The following WWP2 variants were observed in gnomAD, a reference collection of about 807,000 sequenced individuals.
WWP2 encodes NEDD4-like E3 ubiquitin-protein ligase WWP2.
Under a neutral mutation model 121.0 loss-of-function variants are expected in WWP2, and 57 were observed. The ratio of observed to expected loss-of-function variants is 0.47; its 90% CI spans 0.38 to 0.59. The LOEUF is 0.59. Among genes scored for constraint, WWP2 ranks in the 20% least tolerant of loss-of-function variants. WWP2 has a pLI of 0.00. For missense variants in WWP2, 962 were observed against 1,158.9 expected (o/e 0.83, Z 2.47); for synonymous variants, 449 against 441.3 (o/e 1.02, Z -0.22).
At chr16:69,821,074 A>G (rs998815591) in intron 4 of WWP2, among the ~76,000 whole-genome samples, 4 of 152,198 alleles carry the variant, frequency 2.6e-5, no homozygotes, top group Non-Finnish European at 5.9e-5. Flanking sequence ...TTGCAGTTAC[A>G]TCAGCGACTA....
chr16:69,936,764 TG>T, intron 19 of WWP2: 1 of 496,872 alleles, frequency 2.0e-6, no homozygotes, highest in Non-Finnish European at 3.6e-6. Context: ...AGGATCTCTG[TG>T]GCCTGTGTGC....
In WWP2 at chr16:69,940,318, C is replaced by T. The variant is rs1050516735; in HGVS notation, c.*378C>T. ...CCGGAGACCTCCTGGACTAGTTCGG[C>T]GAGGAGACTGGCCACTGGGGGTGGC... On this transcript the variant is annotated 3_prime_UTR_variant, in exon 24 of 24. Coordinates refer to ENST00000359154, the MANE Select transcript of WWP2 (RefSeq NM_001270454.2). 5.9e-5 allele frequency: 12 copies of T among 202,252 alleles called. No individual in the cohort carries two copies. The highest frequency in any genetic ancestry group is 1.1e-4 in the African/African-American group (5 of 43,514). 12.5% of individuals were successfully genotyped at this position (202,252 alleles called of 1,614,324 possible).
chr16:69,790,739 C>A (rs1275328805), intron 2 of WWP2, among the ~76,000 whole-genome samples: 1 of 152,068 alleles, frequency 6.6e-6, no homozygotes, highest in Non-Finnish European at 1.5e-5. Context: ...CCACACCTGG[C>A]TAATTTTTGT....
intron 8 of WWP2, among the ~76,000 whole-genome samples, chr16:69,899,947 T>C (rs1413559579): frequency 6.6e-6 from 1 of 151,330 alleles, no homozygotes. Context: ...ATATTGTAAA[T>C]ACCTGAACAA....
At chr16:69,801,761 T>G (rs2056172121) in intron 4 of WWP2, among the ~76,000 whole-genome samples, 1 of 152,102 alleles carries the variant, frequency 6.6e-6, no homozygotes, top group African/African-American at 2.4e-5. Flanking sequence ...ATTTTATCTT[T>G]TAAATAATTT....
intron 1 of WWP2, among the ~76,000 whole-genome samples, chr16:69,785,627 CTTTT>C (rs111997152): frequency 1.4e-5 from 2 of 141,452 alleles, no homozygotes; most frequent in Non-Finnish European, 3.1e-5. Context: ...TGCTGCACAT[CTTTT>C]TTTTTTTTTT....
At chr16:69,857,469 CT>C (rs1357133862) in intron 6 of WWP2, among the ~76,000 whole-genome samples, 1 of 152,006 alleles carries the variant, frequency 6.6e-6, no homozygotes, top group Non-Finnish European at 1.5e-5. Flanking sequence ...CTTTGGCTCC[CT>C]GACTATTTGA....
chr16:69,924,913 G>C, intron 10 of WWP2: 1 of 985,894 alleles, frequency 1.0e-6, no homozygotes, highest in Middle Eastern at 5.2e-4. Flanking sequence ...GAGGAGGGCC[G>C]GGCCCCAGCC....
intron 6 of WWP2, among the ~76,000 whole-genome samples, chr16:69,859,686 C>T (rs2057380788): frequency 6.6e-6 from 1 of 152,128 alleles, no homozygotes; most frequent in Non-Finnish European, 1.5e-5. Flanking sequence ...TTAAGCTTCC[C>T]CCTGGCCCCG....
At position 69,783,972 on chromosome 16, in the gene WWP2, A is replaced by G. The variant is rs148274265; in HGVS notation, c.-15-3024A>G. Among the ~76,000 whole-genome samples the G allele has an allele frequency of 1.9e-3, 289 of 152,136 alleles. 1 individual carries two copies. Among genetic ancestry groups the G allele is most frequent in the African/African-American group, 6.7e-3 (276 of 41,492 alleles). On this transcript the variant is annotated intron_variant, in intron 1 of 23. Coordinates refer to ENST00000359154, the MANE Select transcript of WWP2 (RefSeq NM_001270454.2). The stretch of plus-strand genomic sequence containing the variant: ...ACCATCTCTAAAAAACATAAGATAC[A>G]AAGGCACAAGAATTTAACAGCATCA...
At chr16:69,845,326 G>A (rs1429466126) in intron 6 of WWP2, among the ~76,000 whole-genome samples, 1 of 152,132 alleles carries the variant, frequency 6.6e-6, no homozygotes, top group Non-Finnish European at 1.5e-5. Context: ...GGGAAGTGAG[G>A]CATTACCGGT....
chr16:69,771,815 G>T (rs1270333276), intron 1 of WWP2, among the ~76,000 whole-genome samples: 1 of 151,958 alleles, frequency 6.6e-6, no homozygotes, highest in Non-Finnish European at 1.5e-5. Flanking sequence ...GTTGGGTGGG[G>T]GAAATTGACC....
intron 8 of WWP2, among the ~76,000 whole-genome samples, chr16:69,893,469 C>T (rs1356324023): frequency 6.6e-6 from 1 of 152,132 alleles, no homozygotes; most frequent in African/African-American, 2.4e-5. Flanking sequence ...TTCCCAAGGG[C>T]AAGAAAGTTG....
chr16:69,888,709 C>CTT (rs112484554), intron 8 of WWP2, among the ~76,000 whole-genome samples: 3 of 144,672 alleles, frequency 2.1e-5, no homozygotes, highest in Non-Finnish European at 3.1e-5. Flanking sequence ...TCTTGCCATC[C>CTT]TTTTTTTTTT....
At chr16:69,830,082 G>A (rs911948958) in intron 4 of WWP2, among the ~76,000 whole-genome samples, 1 of 151,898 alleles carries the variant, frequency 6.6e-6, no homozygotes, top group African/African-American at 2.4e-5. Context: ...AGCCACCCAA[G>A]TAGCTGGGAT....
Position 69,917,814 on chromosome 16 carries a change from G to A in WWP2, c.1110G>A (p.Glu370=). The part of the protein sequence containing the change: ...RPTAEYVRNY[E]QWQSQRNQLQ... ...CCGCGGAGTACGTGCGCAACTATGAGCAGTGGCAGTCGCAGCGGAATCAGC... is the reference window on the plus strand; with the variant it reads ...CCGCGGAGTACGTGCGCAACTATGAACAGTGGCAGTCGCAGCGGAATCAGC... Residue 370 remains glutamate (E), a synonymous_variant, in exon 10 of 24, where the codon GAG becomes GAA. Transcript: ENST00000359154. The A allele has an allele frequency of 6.2e-7, 1 of 1,614,080 alleles. No homozygotes were observed. The highest frequency in any genetic ancestry group is 8.5e-7 in the Non-Finnish European group (1 of 1,179,888).
chr16:69,868,961 C>T (rs1046612255), intron 6 of WWP2, among the ~76,000 whole-genome samples: 1 of 152,212 alleles, frequency 6.6e-6, no homozygotes, highest in South Asian at 2.1e-4. Context: ...AATCTCGGCT[C>T]ACTGCGACCT....
In WWP2 at chr16:69,939,919, C is replaced by T. The variant is rs376257136; in HGVS notation, c.2592C>T (p.Thr864=). Residue 864 remains threonine (T), a synonymous_variant, in exon 24 of 24, where the codon ACC becomes ACT. Transcript: ENST00000359154. The stretch of plus-strand genomic sequence containing the variant: ...AGCTGCTGTATGCCATTGAGGAGAC[C>T]GAGGGCTTTGGACAGGAGTAACCGA... ...REKLLYAIEE[T]EGFGQE The T allele has an allele frequency of 2.5e-5, 41 of 1,613,838 alleles. 1 individual carries two copies. The South Asian group carries it at 2.6e-4, about 10-fold the overall frequency.
intron 6 of WWP2, among the ~76,000 whole-genome samples, chr16:69,846,066 A>AAAAAAAAAC (rs2057072169): frequency 6.7e-6 from 1 of 150,012 alleles, no homozygotes; most frequent in African/African-American, 2.5e-5. Context: ...AAAAAAAAAA[A>AAAAAAAAAC]AAAAGAATAC....
Sources: gnomAD v4.1 joint callset for allele counts (sites outside exome capture counted in the v4.1 genomes callset) on GRCh38, gnomAD v4.1.1 for gene constraint, MANE v1.5 for transcripts, NCBI Gene and HGNC (gene_info 2026-07-23, HGNC 2026-07-21) for gene names.